Variants in SERGEF observed in about 807,000 individuals in gnomAD.
The protein encoded by SERGEF is secretion regulating guanine nucleotide exchange factor.
Under a neutral mutation model 50.0 loss-of-function variants are expected in SERGEF, and 51 were observed. The observed-to-expected ratio is 1.02, with a 90% CI of 0.81 to 1.29. SERGEF has a LOEUF of 1.29. Ranked by LOEUF, SERGEF falls within the 50% of genes most tolerant of loss-of-function variation. SERGEF has a pLI of 0.00. For missense variants in SERGEF, 521 were observed against 557.0 expected (o/e 0.94, Z 0.65); for synonymous variants, 205 against 212.4 (o/e 0.97, Z 0.30).
At chr11:17,831,830 C>T (rs1269205204) in intron 10 of SERGEF, among the ~76,000 whole-genome samples, 4 of 152,196 alleles carry the variant, frequency 2.6e-5, no homozygotes, top group Admixed American at 1.3e-4. Flanking sequence ...CTCCCATCAG[C>T]CCCTTCTTCA....
At chr11:17,797,842 C>T (rs1002426497) in intron 10 of SERGEF, among the ~76,000 whole-genome samples, 2 of 152,180 alleles carry the variant, frequency 1.3e-5, no homozygotes, top group East Asian at 1.9e-4. Flanking sequence ...AATTGTAGCT[C>T]GCTATCAGGA....
In SERGEF at chr11:17,980,799, T is replaced by C. The variant is rs556280597; in HGVS notation, c.844+7798A>G. ...TACCTTTGTTTTTGTCATTATAAATTAGGCTGCAGTAAATGGCATTATACT... is the reference window on the plus strand; with the variant it reads ...TACCTTTGTTTTTGTCATTATAAATCAGGCTGCAGTAAATGGCATTATACT... On this transcript the variant is annotated intron_variant, in intron 8 of 10. Coordinates refer to ENST00000265965, the MANE Select transcript of SERGEF (RefSeq NM_012139.4). Among the ~76,000 whole-genome samples, 3 of 152,354 alleles carry C rather than the reference T, an allele frequency of 2.0e-5. No homozygotes were observed. The East Asian group carries it at 5.8e-4, about 29-fold the overall frequency.
chr11:17,809,908 T>C lies in SERGEF; in HGVS notation c.1049-21495A>G, dbSNP rs73424067. Among the ~76,000 whole-genome samples, 481 of 152,180 alleles carry C rather than the reference T, an allele frequency of 3.2e-3. 3 individuals are homozygous for C. Among genetic ancestry groups the C allele is most frequent in the African/African-American group, 0.011 (458 of 41,524 alleles). ...TGTCACCCTGAGTTCAGGAAAACAT[T>C]TGGGGAGGAACAGACCATGAAACAA... On this transcript the variant is annotated intron_variant, in intron 10 of 10. Coordinates refer to ENST00000265965, the MANE Select transcript of SERGEF (RefSeq NM_012139.4).
chr11:18,000,377 A>G, intron 5 of SERGEF, 120 bp downstream of exon 5: 1 of 646,774 alleles, frequency 1.5e-6, no homozygotes, highest in Non-Finnish European at 2.6e-6. Context: ...TGGGCTCAGG[A>G]GTTCAAGGCT....
chr11:17,991,876 T>C lies in SERGEF; in HGVS notation c.685+1055A>G, dbSNP rs1853716927. Among the ~76,000 whole-genome samples, 1 of 152,222 alleles carries C rather than the reference T, an allele frequency of 6.6e-6. No individual in the cohort carries two copies. Among genetic ancestry groups the C allele is most frequent in the South Asian group, 2.1e-4 (1 of 4,832 alleles). On this transcript the variant is annotated intron_variant, in intron 7 of 10. Transcript: ENST00000265965. The surrounding 1 kb of genome is among the most constrained non-coding windows in gnomAD (Gnocchi z 4.9). ...ACACCTGAATTTCCACATAAAACAC[T>C]AAGTACGGAAGTCCCTCCTCTTTGC...
chr11:17,965,906 G>A (rs1853111409), intron 8 of SERGEF, among the ~76,000 whole-genome samples: 1 of 152,168 alleles, frequency 6.6e-6, no homozygotes, highest in African/African-American at 2.4e-5. Context: ...CATCTCCCTT[G>A]CAGCATTGCT....
chr11:17,948,922 G>C (rs1852721258), intron 9 of SERGEF, among the ~76,000 whole-genome samples: 1 of 152,174 alleles, frequency 6.6e-6, no homozygotes, highest in South Asian at 2.1e-4. Flanking sequence ...CCAGTAAAAA[G>C]AGCTCTCTTC....
intron 10 of SERGEF, among the ~76,000 whole-genome samples, chr11:17,848,941 C>A (rs999078326): frequency 1.3e-5 from 2 of 152,144 alleles, no homozygotes; most frequent in African/African-American, 2.4e-5. Context: ...TCGAATGGGG[C>A]GGTACCAAGA....
intron 10 of SERGEF, among the ~76,000 whole-genome samples, chr11:17,801,349 G>A (rs945189097): frequency 6.6e-6 from 1 of 152,208 alleles, no homozygotes; most frequent in Admixed American, 6.5e-5. Context: ...GCTGCTCTCT[G>A]AAGGCTGGAT....
intron 9 of SERGEF, among the ~76,000 whole-genome samples, chr11:17,944,161 T>A (rs1852611228): frequency 6.6e-6 from 1 of 152,170 alleles, no homozygotes; most frequent in South Asian, 2.1e-4. Context: ...TCTCCTGACC[T>A]CATGATCCGC....
chr11:17,907,034 C>A (rs1851859756), intron 9 of SERGEF, among the ~76,000 whole-genome samples: 1 of 152,108 alleles, frequency 6.6e-6, no homozygotes, highest in Admixed American at 6.5e-5. Flanking sequence ...CTTCTCCTCG[C>A]CCAGTCCATG....
chr11:17,885,105 C>T (rs905278455), intron 9 of SERGEF, among the ~76,000 whole-genome samples: 3 of 152,186 alleles, frequency 2.0e-5, no homozygotes, highest in Non-Finnish European at 4.4e-5. Context: ...GTCACAAAGG[C>T]TCAAACTCTC....
At chr11:17,976,925 C>A (rs1244415379) in intron 8 of SERGEF, among the ~76,000 whole-genome samples, 1 of 152,222 alleles carries the variant, frequency 6.6e-6, no homozygotes, top group East Asian at 1.9e-4. Context: ...TAGGCAGGAG[C>A]AAAGCTGGTC....
intron 1 of SERGEF, among the ~76,000 whole-genome samples, chr11:18,009,225 G>A (rs911064632): frequency 2.6e-5 from 4 of 152,190 alleles, no homozygotes; most frequent in Middle Eastern, 3.4e-3. Flanking sequence ...CATTCTTAAC[G>A]GCTGTTATAT....
intron 10 of SERGEF, among the ~76,000 whole-genome samples, chr11:17,848,308 A>G (rs1850651484): frequency 6.6e-6 from 1 of 152,214 alleles, no homozygotes; most frequent in Non-Finnish European, 1.5e-5. Context: ...CTAGAAGAAG[A>G]GCAGATATTC....
chr11:17,880,732 T>C (rs1851320686), intron 9 of SERGEF, among the ~76,000 whole-genome samples: 1 of 152,090 alleles, frequency 6.6e-6, no homozygotes, highest in Non-Finnish European at 1.5e-5. Flanking sequence ...GGGTATAAAA[T>C]ATACATGCTA....
intron 9 of SERGEF, among the ~76,000 whole-genome samples, chr11:17,906,293 A>C (rs1030819525): frequency 1.3e-5 from 2 of 152,186 alleles, no homozygotes; most frequent in Non-Finnish European, 2.9e-5. Context: ...TCCTGACAAA[A>C]CCAGCTCTGC....
chr11:17,883,791 C>T (rs1851378474), intron 9 of SERGEF, among the ~76,000 whole-genome samples: 1 of 152,196 alleles, frequency 6.6e-6, no homozygotes, highest in African/African-American at 2.4e-5. Flanking sequence ...TAGGAGTGCC[C>T]ACCTCTGGAA....
At chr11:17,876,994 G>C (rs746304234) in intron 10 of SERGEF, among the ~76,000 whole-genome samples, 1 of 152,188 alleles carries the variant, frequency 6.6e-6, no homozygotes, top group Non-Finnish European at 1.5e-5. Context: ...CCTTGGTTCT[G>C]CCTCTTTGTA....
Sources: gnomAD v4.1 joint callset for allele counts (sites outside exome capture counted in the v4.1 genomes callset) on GRCh38, gnomAD v4.1.1 for gene constraint, Gnocchi (gnomAD v3.1) non-coding constraint, MANE v1.5 for transcripts, NCBI Gene and HGNC (gene_info 2026-07-23, HGNC 2026-07-21) for gene names.